The following RIPOR3 variants were observed in gnomAD, a reference collection of about 807,000 sequenced individuals.
The protein encoded by RIPOR3 is RIPOR family member 3.
RIPOR3 carries 95 observed loss-of-function variants against 114.3 expected under a neutral mutation model. The ratio of observed to expected loss-of-function variants is 0.83; its 90% CI spans 0.70 to 0.99. The LOEUF is 0.99. Ranked by LOEUF, RIPOR3 falls within the 50% of genes least tolerant of loss-of-function variation. The pLI is 0.00. For synonymous variants in RIPOR3, 575 were observed against 543.8 expected (o/e 1.06, Z -0.80); for missense variants, 1,252 against 1,266.9 (o/e 0.99, Z 0.18).
rs558158508 is a variant in RIPOR3 at position 50,594,823 on chromosome 20, G to T, written c.2051-109C>A. 9.2e-6 allele frequency: 12 copies of T among 1,309,790 alleles called. No homozygotes were observed. In the South Asian group the frequency reaches 1.4e-4, roughly 16 times the overall value. The allele number at this position is 1,309,790 out of a possible 1,614,324, so 81.1% of individuals were successfully genotyped here. ...CTGAGGGGGTAGGGAGGAGGGGACG[G>T]TGTGGCTTGATGCGAGGTCCCTTCC... On this transcript the variant is annotated intron_variant, in intron 16 of 21. Transcript: ENST00000327979.
At chr20:50,645,300 T>G (rs2085361804) in intron 1 of RIPOR3, among the ~76,000 whole-genome samples, 1 of 152,188 alleles carries the variant, frequency 6.6e-6, no homozygotes, top group Non-Finnish European at 1.5e-5. Context: ...CCCGTTCCTA[T>G]CCCTCAAAAA....
At chr20:50,595,196 C>T (rs763458611) in intron 16 of RIPOR3, 173 bp downstream of exon 16, 50 of 795,622 alleles carry the variant, frequency 6.3e-5, no homozygotes, top group Non-Finnish European at 9.5e-5. Flanking sequence ...CAGGACTTGT[C>T]TCCCTTACCT....
chr20:50,611,058 A>T (rs974617728), intron 5 of RIPOR3, 123 bp downstream of exon 5: 5 of 1,558,712 alleles, frequency 3.2e-6, no homozygotes, highest in Non-Finnish European at 3.5e-6. Context: ...CAGCCTTCCC[A>T]TTCCTAAAAT....
chr20:50,633,280 A>C (rs1260530012), intron 1 of RIPOR3, among the ~76,000 whole-genome samples: 4 of 151,860 alleles, frequency 2.6e-5, no homozygotes, highest in South Asian at 2.1e-4. Flanking sequence ...AAAAAACAAA[A>C]AACAAAAAAT....
chr20:50,668,289 A>G (rs902808861), intron 1 of RIPOR3, among the ~76,000 whole-genome samples: 3 of 152,152 alleles, frequency 2.0e-5, no homozygotes, highest in African/African-American at 7.2e-5. Flanking sequence ...TGAGACCAGC[A>G]GGAAAGAGAG....
chr20:50,640,634 C>G (rs996106611), intron 1 of RIPOR3, among the ~76,000 whole-genome samples: 1 of 148,840 alleles, frequency 6.7e-6, no homozygotes, highest in African/African-American at 2.6e-5. Context: ...ACCCTGCCCC[C>G]CTCCGCAGGG....
chr20:50,604,170 A>G (rs2083608014), intron 12 of RIPOR3, among the ~76,000 whole-genome samples: 1 of 150,842 alleles, frequency 6.6e-6, no homozygotes, highest in Non-Finnish European at 1.5e-5. Flanking sequence ...GGGAGACAAG[A>G]GCGAAACTCC....
At chr20:50,600,697 T>C (rs529842580) in intron 13 of RIPOR3, among the ~76,000 whole-genome samples, 24 of 151,834 alleles carry the variant, frequency 1.6e-4, no homozygotes, top group African/African-American at 5.6e-4. Context: ...GAGGCAGAGG[T>C]TGCAGTGAGC....
At chr20:50,631,555 G>A (rs1378139841) in intron 1 of RIPOR3, among the ~76,000 whole-genome samples, 1 of 152,204 alleles carries the variant, frequency 6.6e-6, no homozygotes, top group African/African-American at 2.4e-5. Context: ...AGAGGCATTG[G>A]TAGCCCCAAG....
chr20:50,599,112 C>A (rs1008536151), intron 13 of RIPOR3, among the ~76,000 whole-genome samples: 3 of 152,050 alleles, frequency 2.0e-5, no homozygotes, highest in Non-Finnish European at 4.4e-5. Context: ...CTATTGTTGG[C>A]TGGGTGTGGT....
At chr20:50,594,530 C>T (rs372857613) in intron 17 of RIPOR3, 23 bp downstream of exon 17, 29 of 1,603,534 alleles carry the variant, frequency 1.8e-5, no homozygotes, top group East Asian at 2.2e-5. Context: ...TGGGAGGGGA[C>T]GACAGGACAG....
At chr20:50,683,750 C>A (rs538241844) in intron 1 of RIPOR3, among the ~76,000 whole-genome samples, 7 of 152,052 alleles carry the variant, frequency 4.6e-5, no homozygotes, top group African/African-American at 1.7e-4. Flanking sequence ...AGCCACCACA[C>A]CTGGTCAATT....
chr20:50,589,789 T>C lies in RIPOR3; in HGVS notation c.2578-20A>G, dbSNP rs2083052765. On this transcript the variant is annotated intron_variant, in intron 19 of 21. Transcript: ENST00000327979. ...CAAAGCCTGGGGAGAGTAAGGAGGC[T>C]GTGAATGGAGGGGTAAGCAGAAGTG... 1 of 1,608,674 alleles carries C rather than the reference T, an allele frequency of 6.2e-7. No individual in the cohort carries two copies. The highest frequency in any genetic ancestry group is 8.5e-7 in the Non-Finnish European group (1 of 1,176,906).
rs747296395 is a variant in RIPOR3, at chr20:50,596,268, GTTGAA to G, written c.1791-10_1791-6del. ...GGGGGCAGGGGCCGGTCCTTTCTGA[GTTGAA>G]TTGAGAACTGGGTGACCATTCCAGT... On this transcript the variant is annotated splice_region_variant and splice_polypyrimidine_tract_variant and intron_variant, in intron 14 of 21. Transcript: ENST00000327979. The G allele has an allele frequency of 3.0e-5, 49 of 1,614,100 alleles. No individual in the cohort carries two copies. In the East Asian group the frequency reaches 4.0e-4, roughly 13 times the overall value.
chr20:50,653,055 C>T (rs932986914), intron 1 of RIPOR3: 1 of 152,172 alleles, frequency 6.6e-6, no homozygotes, highest in Non-Finnish European at 1.5e-5. Flanking sequence ...AAAAACAGCT[C>T]AAATATTTAT....
At chr20:50,630,603 C>G (rs1600631941) in intron 2 of RIPOR3, 135 bp downstream of exon 2, 3 of 634,026 alleles carry the variant, frequency 4.7e-6, no homozygotes, top group South Asian at 2.0e-5. Flanking sequence ...CTCTCTCTGT[C>G]TCTCTCGGGC....
chr20:50,591,844 C>A (rs1223262631), intron 19 of RIPOR3, among the ~76,000 whole-genome samples: 1 of 152,236 alleles, frequency 6.6e-6, no homozygotes, highest in East Asian at 1.9e-4. Flanking sequence ...CGCCTGTAAT[C>A]CCAGCACTTT....
intron 1 of RIPOR3, among the ~76,000 whole-genome samples, chr20:50,654,741 G>C (rs967750304): frequency 6.6e-6 from 1 of 151,746 alleles, no homozygotes; most frequent in Non-Finnish European, 1.5e-5. Flanking sequence ...GGGTTTTTTT[G>C]TTTTTTTGTC....
At chr20:50,686,903 G>A (rs762927838) in intron 1 of RIPOR3, among the ~76,000 whole-genome samples, 2 of 152,282 alleles carry the variant, frequency 1.3e-5, no homozygotes, top group African/African-American at 2.4e-5. Flanking sequence ...ATAAGAGAGC[G>A]GAACTTGAGA....
Sources: gnomAD v4.1 joint callset for allele counts (sites outside exome capture counted in the v4.1 genomes callset) on GRCh38, gnomAD v4.1.1 for gene constraint, MANE v1.5 for transcripts, NCBI Gene and HGNC (gene_info 2026-07-23, HGNC 2026-07-21) for gene names.